Variants in ADAM22 observed in about 807,000 individuals in gnomAD.
The protein encoded by ADAM22 is disintegrin and metalloproteinase domain-containing protein 22.
A neutral mutation model predicts 144.6 loss-of-function variants in ADAM22; 65 were observed. That is an observed-to-expected ratio of 0.45 (90% CI 0.37 to 0.55). ADAM22 has a LOEUF of 0.55. ADAM22 is among the 20% of genes least tolerant of loss of function. The probability of loss-of-function intolerance (pLI) is 0.00; values close to 1 mark genes in which losing one functional copy is unlikely to be tolerated. For missense variants in ADAM22, 974 were observed against 1,184.9 expected (o/e 0.82, Z 2.61); for synonymous variants, 391 against 412.6 (o/e 0.95, Z 0.63).
At chr7:88,177,031 C>T (rs1006368502) in intron 26 of ADAM22, among the ~76,000 whole-genome samples, 4 of 152,186 alleles carry the variant, frequency 2.6e-5, no homozygotes, top group Non-Finnish European at 4.4e-5. Flanking sequence ...TCCCATAGTG[C>T]TGGGATTACA....
intron 3 of ADAM22, among the ~76,000 whole-genome samples, chr7:88,046,712 G>A (rs1250118921): frequency 1.3e-5 from 2 of 152,232 alleles, no homozygotes; most frequent in East Asian, 3.9e-4. Context: ...CTGTGTTTAA[G>A]TCTTTAGCCT....
At chr7:88,191,668 G>A (rs1849659881) in intron 30 of ADAM22, among the ~76,000 whole-genome samples, 1 of 152,026 alleles carries the variant, frequency 6.6e-6, no homozygotes, top group East Asian at 1.9e-4. Flanking sequence ...TGCTTTAATA[G>A]AACTTTAGAG....
intron 30 of ADAM22, among the ~76,000 whole-genome samples, chr7:88,187,767 C>G (rs995701025): frequency 6.6e-6 from 1 of 152,170 alleles, no homozygotes; most frequent in Non-Finnish European, 1.5e-5. Context: ...AAGGTGGACT[C>G]TCTCTTCCAG....
intron 21 of ADAM22, among the ~76,000 whole-genome samples, chr7:88,154,607 A>T (rs1189883184): frequency 6.6e-6 from 1 of 152,088 alleles, no homozygotes; most frequent in East Asian, 1.9e-4. Context: ...TGTGTGATTT[A>T]TCTTCTTATT....
intron 2 of ADAM22, among the ~76,000 whole-genome samples, chr7:87,937,087 C>T (rs1841413314): frequency 6.6e-6 from 1 of 152,096 alleles, no homozygotes; most frequent in Non-Finnish European, 1.5e-5. Context: ...TCCTGAGTAG[C>T]TTGGATTACA....
chr7:88,004,145 G>A (rs1793248978), intron 3 of ADAM22, among the ~76,000 whole-genome samples: 1 of 152,226 alleles, frequency 6.6e-6, no homozygotes, highest in Non-Finnish European at 1.5e-5. Context: ...CCTGCACTAA[G>A]AGGCTTCTTC....
chr7:88,002,450 G>C (rs1294520375), intron 3 of ADAM22, among the ~76,000 whole-genome samples: 1 of 152,180 alleles, frequency 6.6e-6, no homozygotes. Context: ...AACCATGTGA[G>C]CTGAATGTGA....
At chr7:88,009,231 C>T (rs753497912) in intron 3 of ADAM22, among the ~76,000 whole-genome samples, 1 of 152,106 alleles carries the variant, frequency 6.6e-6, no homozygotes, top group Non-Finnish European at 1.5e-5. Context: ...CATTAGGATA[C>T]CAACAGTTTT....
intron 2 of ADAM22, among the ~76,000 whole-genome samples, chr7:87,941,727 T>G (rs1388983814): frequency 3.9e-5 from 6 of 152,154 alleles, no homozygotes. Flanking sequence ...AATCCCAATT[T>G]GTATATATAT....
chr7:87,934,865 G>T (rs1255274102), intron 1 of ADAM22, 161 bp from the exon 2 acceptor site: 20 of 1,015,846 alleles, frequency 2.0e-5, no homozygotes, highest in Non-Finnish European at 2.5e-5. Flanking sequence ...AAGGCTCTCG[G>T]GCTGGTGTCT....
At chr7:88,080,664 A>T (rs1450369884) in intron 4 of ADAM22, among the ~76,000 whole-genome samples, 3 of 152,182 alleles carry the variant, frequency 2.0e-5, no homozygotes, top group Non-Finnish European at 4.4e-5. Context: ...GACAAAGGTG[A>T]TATCTCCACC....
At chr7:87,953,189 G>C (rs1443129675) in intron 2 of ADAM22, among the ~76,000 whole-genome samples, 1 of 151,578 alleles carries the variant, frequency 6.6e-6, no homozygotes, top group East Asian at 1.9e-4. Flanking sequence ...GCTAGCTTTT[G>C]AATGTGTTTG....
chr7:88,116,321 C>T (rs1190406023), intron 6 of ADAM22, among the ~76,000 whole-genome samples: 1 of 152,106 alleles, frequency 6.6e-6, no homozygotes, highest in East Asian at 1.9e-4. Flanking sequence ...TGGACATTTA[C>T]TTATACCAGG....
chr7:88,023,027 C>A (rs1378121323), intron 3 of ADAM22, among the ~76,000 whole-genome samples: 1 of 152,100 alleles, frequency 6.6e-6, no homozygotes, highest in African/African-American at 2.4e-5. Context: ...TTTTCTTTTG[C>A]TTAGGACTCT....
Position 87,934,386 on chromosome 7 carries a change from C to A in ADAM22, c.-80C>A. The A allele has an allele frequency of 7.1e-7, 1 of 1,412,650 alleles. No homozygotes were observed. Among genetic ancestry groups the A allele is most frequent in the East Asian group, 2.6e-5 (1 of 38,038 alleles). The allele number at this position is 1,412,650 out of a possible 1,614,324, so 87.5% of individuals were successfully genotyped here. A position where few individuals can be genotyped will look rare whatever the true frequency, so the allele number is the denominator to read the frequency against. ...GAGGTGGCCGCGGGGACCCCGGGGG[C>A]GCGGAGCGAGGGAAACGGACTCGGC... is the stretch of plus-strand genomic sequence containing the variant. On this transcript the variant is annotated 5_prime_UTR_variant, in exon 1 of 32. Transcript: ENST00000413139.
At chr7:88,121,261 C>G (rs1829233912) in intron 7 of ADAM22, among the ~76,000 whole-genome samples, 1 of 151,978 alleles carries the variant, frequency 6.6e-6, no homozygotes, top group Non-Finnish European at 1.5e-5. Context: ...ACCTGCTTGT[C>G]AATTTCTATA....
At chr7:88,153,104 G>C in intron 20 of ADAM22, 117 bp from the exon 21 acceptor site, 2 of 607,196 alleles carry the variant, frequency 3.3e-6, no homozygotes, top group South Asian at 2.3e-5. Flanking sequence ...AACATTTTTG[G>C]AATTGATAAC....
At chr7:88,053,545 C>CA (rs1172849605) in intron 3 of ADAM22, among the ~76,000 whole-genome samples, 1 of 103,298 alleles carries the variant, frequency 9.7e-6, no homozygotes, top group Non-Finnish European at 2.0e-5. Flanking sequence ...CAGGATAACT[C>CA]AAAAAAGAAA....
intron 3 of ADAM22, among the ~76,000 whole-genome samples, chr7:88,034,241 C>T (rs980369367): frequency 6.6e-6 from 1 of 152,118 alleles, no homozygotes; most frequent in Admixed American, 6.5e-5. Context: ...CCCAAAGGCT[C>T]TATATTTAGC....
Sources: gnomAD v4.1 joint callset for allele counts (sites outside exome capture counted in the v4.1 genomes callset) on GRCh38, gnomAD v4.1.1 for gene constraint, MANE v1.5 for transcripts, NCBI Gene and HGNC (gene_info 2026-07-23, HGNC 2026-07-21) for gene names.